Variants in ST7 observed in about 807,000 individuals in gnomAD.
The protein encoded by ST7 is suppression of tumorigenicity 7.
ST7 carries 28 observed loss-of-function variants against 78.7 expected under a neutral mutation model. The observed-to-expected ratio is 0.36, with a 90% CI of 0.26 to 0.49. The LOEUF (loss-of-function observed/expected upper bound fraction) is 0.49, where lower values mean the gene tolerates loss of function less well. Ranked by LOEUF, ST7 falls within the 20% of genes least tolerant of loss-of-function variation. The pLI, the probability that ST7 is intolerant of heterozygous loss-of-function variation, is 0.99. For missense variants in ST7, 418 were observed against 696.0 expected (o/e 0.60, Z 4.49); for synonymous variants, 247 against 249.6 (o/e 0.99, Z 0.10).
chr7:117,130,500 G>A lies in ST7; in HGVS notation c.459G>A (p.Trp153Ter), dbSNP rs1804260374. The A allele has an allele frequency of 6.2e-7, 1 of 1,608,984 alleles. No individual in the cohort carries two copies. Among genetic ancestry groups the A allele is most frequent in the African/African-American group, 1.3e-5 (1 of 74,424 alleles). Reference protein sequence around the residue: ...FRGAEYNRYTWVTGREPLTYY... With the variant: ...FRGAEYNRYT The stretch of plus-strand genomic sequence containing the variant: ...TATTTCTCCTTTGCAGGTATACTTG[G>A]GTGACAGGACGAGAGCCTCTTACTT... Residue 153 changes from tryptophan to a stop codon, truncating the protein, a stop_gained, in exon 5 of 16, where the codon TGG becomes TGA. Transcript: ENST00000323984. LOFTEE classifies it high-confidence loss of function.
chr7:116,988,462 A>G (rs1160475235), intron 1 of ST7, among the ~76,000 whole-genome samples: 1 of 152,184 alleles, frequency 6.6e-6, no homozygotes, highest in Non-Finnish European at 1.5e-5. Context: ...TTTTTCAGAG[A>G]GTCCTTTAAC....
At chr7:117,135,273 A>T (rs753603033) in intron 7 of ST7, among the ~76,000 whole-genome samples, 9 of 152,056 alleles carry the variant, frequency 5.9e-5, no homozygotes, top group Non-Finnish European at 1.2e-4. Context: ...CCCACCTAAG[A>T]GGGTTGTTGA....
intron 1 of ST7, among the ~76,000 whole-genome samples, chr7:116,962,682 A>G (rs1358632942): frequency 6.6e-6 from 1 of 152,292 alleles, no homozygotes; most frequent in African/African-American, 2.4e-5. Context: ...GATTCTGGAT[A>G]TTAGACTTGG....
intron 1 of ST7, among the ~76,000 whole-genome samples, chr7:116,996,679 G>T (rs1794674840): frequency 6.6e-6 from 1 of 152,158 alleles, no homozygotes; most frequent in Non-Finnish European, 1.5e-5. Context: ...AAGTTACCTA[G>T]TCTGATTTAA....
intron 10 of ST7, among the ~76,000 whole-genome samples, chr7:117,174,375 A>G (rs967766585): frequency 3.3e-5 from 5 of 152,234 alleles, no homozygotes; most frequent in African/African-American, 9.6e-5. Flanking sequence ...AACCACAAGC[A>G]TATTTGGTAG....
chr7:117,056,222 C>A (rs1369424750), intron 1 of ST7, among the ~76,000 whole-genome samples: 1 of 152,204 alleles, frequency 6.6e-6, no homozygotes, highest in Non-Finnish European at 1.5e-5. Flanking sequence ...AGTTGACACT[C>A]AGCATTAACA....
chr7:117,125,168 C>G (rs1277285705), intron 3 of ST7, among the ~76,000 whole-genome samples: 3 of 152,056 alleles, frequency 2.0e-5, no homozygotes, highest in Admixed American at 6.6e-5. Flanking sequence ...AATTAGGTCT[C>G]CAGTTAAATG....
intron 9 of ST7, among the ~76,000 whole-genome samples, chr7:117,147,850 C>T (rs1805928167): frequency 1.3e-5 from 2 of 151,816 alleles, no homozygotes; most frequent in South Asian, 4.1e-4. Flanking sequence ...TGTTTTACCC[C>T]TCGTCATTGA....
chr7:117,210,461 G>A (rs575434455), intron 13 of ST7, among the ~76,000 whole-genome samples: 5 of 152,288 alleles, frequency 3.3e-5, no homozygotes, highest in South Asian at 2.1e-4. Flanking sequence ...ATGTATTAAC[G>A]GATAAATGCT....
intron 1 of ST7, among the ~76,000 whole-genome samples, chr7:116,964,802 G>A (rs1470820565): frequency 1.3e-5 from 2 of 152,052 alleles, no homozygotes; most frequent in Non-Finnish European, 2.9e-5. Context: ...CTGCCCAATC[G>A]TTCTTTCCCC....
At chr7:117,144,901 A>G (rs1805628808) in intron 9 of ST7, among the ~76,000 whole-genome samples, 1 of 152,118 alleles carries the variant, frequency 6.6e-6, no homozygotes, top group Non-Finnish European at 1.5e-5. Flanking sequence ...TAGTGGATGC[A>G]AAAAAGGTAG....
chr7:117,066,764 C>CAAAAA (rs35246518), intron 1 of ST7, among the ~76,000 whole-genome samples: 9 of 74,734 alleles, frequency 1.2e-4, no homozygotes, highest in African/African-American at 2.4e-4. Flanking sequence ...GACTCCGTCT[C>CAAAAA]AAAAAAAAAA....
In ST7 at chr7:117,119,684, A is replaced by G; in HGVS notation, c.358A>G (p.Asn120Asp). The G allele has an allele frequency of 6.2e-7, 1 of 1,613,500 alleles. No individual in the cohort carries two copies. Among genetic ancestry groups the G allele is most frequent in the African/African-American group, 1.3e-5 (1 of 75,046 alleles). ...CTCTTCCAACAATTCTAATTCCAGTAACGGGGACTCAGATTCCAATAGGCA... is the reference window on the plus strand; with the variant it reads ...CTCTTCCAACAATTCTAATTCCAGTGACGGGGACTCAGATTCCAATAGGCA... Reference protein sequence around the residue: ...NNSSNNSNSSNGDSDSNRQSV... With the variant: ...NNSSNNSNSSDGDSDSNRQSV... Residue 120 changes from asparagine to aspartate, a missense_variant, in exon 3 of 16, where the codon AAC (asparagine) becomes GAC (aspartate). Around this residue, in one of 4 missense-constraint regions of ST7, gnomAD observed 36 missense variants for 29.7 expected, o/e 1.21. Transcript: ENST00000323984.
At position 117,190,690 on chromosome 7, in the gene ST7, C is replaced by T. The variant is rs1809693103; in HGVS notation, c.1152-144C>T. ...TTGCTGGCCTCGGTCCGTGGGGTCA[C>T]TCAGAGGTTCCATGCAGTAGAAGTT... On this transcript the variant is annotated intron_variant, in intron 11 of 15. Coordinates refer to ENST00000323984, the MANE Select transcript of ST7 (RefSeq NM_001369598.1). This position sits in a 1 kb window ranked among gnomAD's most constrained non-coding sequence, Gnocchi z 5.2. 4.7e-6 allele frequency: 3 copies of T among 632,480 alleles called. No homozygotes were observed. Among genetic ancestry groups the T allele is most frequent in the African/African-American group, 3.7e-5 (2 of 54,668 alleles). 39.2% of individuals were successfully genotyped at this position (632,480 alleles called of 1,614,324 possible).
chr7:117,160,658 T>C (rs2117209957), intron 9 of ST7, among the ~76,000 whole-genome samples: 1 of 151,716 alleles, frequency 6.6e-6, no homozygotes, highest in East Asian at 1.9e-4. Context: ...TGTGTGTATA[T>C]ATATATATAT....
chr7:116,980,379 C>G (rs865946270), intron 1 of ST7, among the ~76,000 whole-genome samples: 11 of 152,170 alleles, frequency 7.2e-5, no homozygotes, highest in African/African-American at 2.7e-4. Flanking sequence ...ATCCCACATT[C>G]GAAGTGTCCC....
intron 9 of ST7, among the ~76,000 whole-genome samples, chr7:117,165,418 C>T (rs1173992767): frequency 1.3e-5 from 2 of 152,028 alleles, no homozygotes; most frequent in African/African-American, 4.8e-5. Context: ...ATACCTTGTC[C>T]AAGGTGTAGA....
intron 1 of ST7, among the ~76,000 whole-genome samples, chr7:116,964,892 A>G (rs1314408569): frequency 6.6e-6 from 1 of 152,242 alleles, no homozygotes; most frequent in Non-Finnish European, 1.5e-5. Context: ...AATCTAATCA[A>G]TTAAAGTTAT....
intron 1 of ST7, among the ~76,000 whole-genome samples, chr7:116,989,734 G>A (rs559021338): frequency 2.8e-4 from 42 of 152,058 alleles, no homozygotes; most frequent in Non-Finnish European, 5.1e-4. Flanking sequence ...AGCTGCTCAG[G>A]AGGCTGAGGT....
Sources: gnomAD v4.1 joint callset for allele counts (sites outside exome capture counted in the v4.1 genomes callset) on GRCh38, gnomAD v4.1.1 for gene constraint, gnomAD v4.1.1 regional missense constraint, Gnocchi (gnomAD v3.1) non-coding constraint, MANE v1.5 for transcripts, NCBI Gene and HGNC (gene_info 2026-07-23, HGNC 2026-07-21) for gene names.